The following CCT3 variants were observed in gnomAD, a reference collection of about 807,000 sequenced individuals.
The protein encoded by CCT3 is T-complex protein 1 subunit gamma.
A neutral mutation model predicts 65.3 loss-of-function variants in CCT3; 10 were observed. That is an observed-to-expected ratio of 0.15 (90% CI 0.09 to 0.26). The LOEUF (loss-of-function observed/expected upper bound fraction) is 0.26, where lower values mean the gene tolerates loss of function less well. CCT3 is among the 10% of genes least tolerant of loss of function. The pLI is 1.00. For synonymous variants in CCT3, 225 were observed against 242.3 expected, an observed-to-expected ratio of 0.93 and a Z score of 0.66; for missense variants, 626 against 708.7, an observed-to-expected ratio of 0.88 and a Z score of 1.33.
At chr1:156,320,139 G>A (rs2101645259) in intron 7 of CCT3, among the ~76,000 whole-genome samples, 2 of 152,240 alleles carry the variant, frequency 1.3e-5, no homozygotes, top group South Asian at 4.1e-4. Flanking sequence ...AGGCGCAGTG[G>A]CTCACCCTAT....
intron 11 of CCT3, 39 bp downstream of exon 11, chr1:156,312,002 G>C (rs1297140570): frequency 6.6e-6 from 10 of 1,524,226 alleles, no homozygotes; most frequent in African/African-American, 1.4e-5. Flanking sequence ...GAAGTTCAGT[G>C]ATCTACTTCA....
intron 1 of CCT3, among the ~76,000 whole-genome samples, chr1:156,336,725 T>C (rs1266081787): frequency 6.6e-6 from 1 of 152,168 alleles, no homozygotes; most frequent in African/African-American, 2.4e-5. Flanking sequence ...ACCAACATAA[T>C]GTTTATTTCC....
chr1:156,323,389 C>A (rs1490065962), intron 6 of CCT3, among the ~76,000 whole-genome samples: 7 of 151,090 alleles, frequency 4.6e-5, no homozygotes, highest in Non-Finnish European at 5.9e-5. Context: ...AGTGACTCAA[C>A]CATATGAGTA....
At chr1:156,332,365 T>C (rs578144048) in intron 5 of CCT3, among the ~76,000 whole-genome samples, 6 of 152,352 alleles carry the variant, frequency 3.9e-5, no homozygotes, top group African/African-American at 1.4e-4. Flanking sequence ...TACTATCATC[T>C]TGACATTTAC....
intron 10 of CCT3, among the ~76,000 whole-genome samples, chr1:156,313,081 C>T (rs368898302): frequency 1.2e-3 from 188 of 152,216 alleles, no homozygotes; most frequent in African/African-American, 4.4e-3. Context: ...TGGTGGCTTA[C>T]GCCTGTAATC....
intron 9 of CCT3, 82 bp downstream of exon 9, chr1:156,317,333 C>T: frequency 6.3e-7 from 1 of 1,595,818 alleles, no homozygotes; most frequent in African/African-American, 1.3e-5. Context: ...CTATTACGCC[C>T]CTGCCAAACA....
chr1:156,327,705 G>A (rs1226497848), intron 5 of CCT3, among the ~76,000 whole-genome samples: 8 of 151,656 alleles, frequency 5.3e-5, no homozygotes, highest in Non-Finnish European at 1.2e-4. Flanking sequence ...CTGCCCGGCC[G>A]CCACCCCGTC....
intron 10 of CCT3, among the ~76,000 whole-genome samples, chr1:156,315,830 C>A (rs1664286666): frequency 1.3e-5 from 2 of 152,032 alleles, no homozygotes; most frequent in Admixed American, 1.3e-4. Context: ...AGTTCTCATG[C>A]ATATCTAACA....
At chr1:156,324,227 C>G (rs905617952) in intron 6 of CCT3, among the ~76,000 whole-genome samples, 1 of 151,672 alleles carries the variant, frequency 6.6e-6, no homozygotes, top group African/African-American at 2.4e-5. Flanking sequence ...GCCACCATGC[C>G]CAGCTAATTT....
intron 10 of CCT3, among the ~76,000 whole-genome samples, chr1:156,316,165 A>G (rs920628114): frequency 1.3e-5 from 2 of 152,182 alleles, no homozygotes; most frequent in Non-Finnish European, 2.9e-5. Flanking sequence ...TATAAATTTT[A>G]AAGACAATAT....
chr1:156,332,459 T>C (rs190561447), intron 5 of CCT3, among the ~76,000 whole-genome samples: 5 of 152,378 alleles, frequency 3.3e-5, no homozygotes, highest in Non-Finnish European at 5.9e-5. Context: ...TAAACTTACA[T>C]AGCCCAGGGT....
chr1:156,329,025 CAT>C (rs1267339053), intron 5 of CCT3, among the ~76,000 whole-genome samples: 4 of 152,164 alleles, frequency 2.6e-5, no homozygotes, highest in Non-Finnish European at 4.4e-5. Flanking sequence ...CAATGGACCA[CAT>C]ATATGACAGT....
Position 156,310,546 on chromosome 1 carries a change from AG to A in CCT3, c.1533+11del. 1 of 1,602,876 alleles carries A rather than the reference AG, an allele frequency of 6.2e-7. No homozygotes were observed. The highest frequency in any genetic ancestry group is 2.2e-5 in the East Asian group (1 of 44,766). On this transcript the variant is annotated intron_variant, in intron 13 of 13. Transcript: ENST00000295688. The stretch of plus-strand genomic sequence containing the variant: ...AATTAAAACAGCGTGTACATATCTT[AG>A]GGTGCCTTACCTCCACTGCTGTCTT...
At chr1:156,312,245 GA>G (rs1229372742) in intron 10 of CCT3, 24 bp from the exon 11 acceptor site, 2 of 1,606,130 alleles carry the variant, frequency 1.2e-6, no homozygotes, top group African/African-American at 2.7e-5. Flanking sequence ...GAGGTGGGGA[GA>G]ATCAGATGAT....
At chr1:156,324,919 G>A (rs1469698713) in intron 6 of CCT3, 53 bp downstream of exon 6, 15 of 1,232,776 alleles carry the variant, frequency 1.2e-5, no homozygotes, top group Admixed American at 3.4e-5. Context: ...GAGCCACCAC[G>A]TCTAGCCAGG....
intron 7 of CCT3, among the ~76,000 whole-genome samples, chr1:156,320,460 C>T (rs1664501648): frequency 6.6e-6 from 1 of 151,978 alleles, no homozygotes; most frequent in South Asian, 2.1e-4. Context: ...AAAACTATTT[C>T]ATTCAAGTAG....
At chr1:156,338,092 T>C (rs1665530617) in intron 1 of CCT3, 62 bp downstream of exon 1, 1 of 1,549,666 alleles carries the variant, frequency 6.5e-7, no homozygotes, top group Admixed American at 2.0e-5. Context: ...GGGGCAACAC[T>C]GAAAAGTATG....
chr1:156,328,411 G>A lies in CCT3; in HGVS notation c.305-3322C>T, dbSNP rs1474264339. On this transcript the variant is annotated intron_variant, in intron 5 of 13. Coordinates refer to ENST00000295688, the MANE Select transcript of CCT3 (RefSeq NM_005998.5). The stretch of plus-strand genomic sequence containing the variant: ...ATGACAATGGCGGTTTTGTGGAATA[G>A]AAAGGCGGGAAAGGTGGGGAAAAGA... Among the ~76,000 whole-genome samples, 8 of 152,232 alleles carry A rather than the reference G, an allele frequency of 5.3e-5. No homozygotes were observed. The East Asian group carries it at 1.5e-3, about 29-fold the overall frequency.
chr1:156,315,294 C>CGA (rs1428844889), intron 10 of CCT3, among the ~76,000 whole-genome samples: 1 of 152,136 alleles, frequency 6.6e-6, no homozygotes, highest in Non-Finnish European at 1.5e-5. Flanking sequence ...CTGCAACCTC[C>CGA]GCCTCCTTGG....
Sources: gnomAD v4.1 joint callset for allele counts (sites outside exome capture counted in the v4.1 genomes callset) on GRCh38, gnomAD v4.1.1 for gene constraint, MANE v1.5 for transcripts, NCBI Gene and HGNC (gene_info 2026-07-23, HGNC 2026-07-21) for gene names.